The following CDH13 variants were observed in gnomAD, a reference collection of about 807,000 sequenced individuals.
CDH13 encodes the protein cadherin-13.
CDH13 carries 24 observed loss-of-function variants against 63.8 expected under a neutral mutation model. That is an observed-to-expected ratio of 0.38 (90% CI 0.27 to 0.53). The LOEUF is 0.53. Ranked by LOEUF, CDH13 falls within the 20% of genes least tolerant of loss-of-function variation. The pLI, the probability that CDH13 is intolerant of heterozygous loss-of-function variation, is 0.85. For missense variants in CDH13, 1,049 were observed against 903.1 expected (o/e 1.16, Z -2.07); for synonymous variants, 503 against 355.3 (o/e 1.42, Z -4.67).
chr16:82,890,299 T>C (rs1001370209), intron 2 of CDH13, among the ~76,000 whole-genome samples: 5 of 152,306 alleles, frequency 3.3e-5, no homozygotes, highest in South Asian at 2.1e-4. Context: ...TTATCTAGGA[T>C]AGAACAGTGT....
chr16:83,512,763 C>A lies in CDH13; in HGVS notation c.960+26108C>A, dbSNP rs190882760. ...CATGAGCTTTCACAGGGGCACCGAT[C>A]TAGACCAGTGTGGACTAGAAGTAGC... On this transcript the variant is annotated intron_variant, in intron 7 of 13. Transcript: ENST00000567109. Among the ~76,000 whole-genome samples the A allele has an allele frequency of 5.7e-3, 860 of 152,174 alleles. 13 individuals carry two copies. The highest frequency in any genetic ancestry group is 0.028 in the Admixed American group (422 of 15,284).
intron 2 of CDH13, among the ~76,000 whole-genome samples, chr16:82,965,720 T>C (rs986110563): frequency 1.3e-5 from 2 of 152,298 alleles, no homozygotes; most frequent in Non-Finnish European, 2.9e-5. Flanking sequence ...CTCAAACTAC[T>C]GACCTCAAGT....
At chr16:82,982,858 C>T (rs772249313) in intron 2 of CDH13, among the ~76,000 whole-genome samples, 5 of 152,190 alleles carry the variant, frequency 3.3e-5, no homozygotes, top group Non-Finnish European at 7.3e-5. Flanking sequence ...TTTCTGTCAA[C>T]TTTCAGTGAG....
chr16:83,121,962 TCACACACACACACA>T (rs10665608), intron 3 of CDH13, among the ~76,000 whole-genome samples: 2 of 147,518 alleles, frequency 1.4e-5, no homozygotes, highest in East Asian at 2.0e-4. Flanking sequence ...TTTAAAACTG[TCACACACACACACA>T]CACACACACA....
intron 7 of CDH13, among the ~76,000 whole-genome samples, chr16:83,489,575 C>T (rs2073963563): frequency 6.6e-6 from 1 of 152,176 alleles, no homozygotes; most frequent in Admixed American, 6.5e-5. Flanking sequence ...AAGTTCTTGT[C>T]TTTGAGGGTA....
intron 5 of CDH13, among the ~76,000 whole-genome samples, chr16:83,285,904 A>T (rs139966992): frequency 1.1e-3 from 165 of 152,334 alleles, no homozygotes; most frequent in Non-Finnish European, 1.8e-3. Context: ...GAGAAGTGGG[A>T]CAAGGGTGTG....
At chr16:83,398,576 G>A (rs1419413191) in intron 6 of CDH13, among the ~76,000 whole-genome samples, 2 of 152,116 alleles carry the variant, frequency 1.3e-5, no homozygotes, top group South Asian at 4.2e-4. Context: ...CAGGTTCCAG[G>A]GATAAGGACA....
intron 1 of CDH13, among the ~76,000 whole-genome samples, chr16:82,712,551 C>T (rs950567739): frequency 6.6e-6 from 1 of 152,194 alleles, no homozygotes; most frequent in African/African-American, 2.4e-5. Context: ...CTACCCTGTG[C>T]CCCACCTATC....
At chr16:83,188,586 TG>T (rs1324488624) in intron 4 of CDH13, among the ~76,000 whole-genome samples, 6 of 152,204 alleles carry the variant, frequency 3.9e-5, no homozygotes, top group Non-Finnish European at 8.8e-5. Context: ...GCCATGGTCC[TG>T]GCTCCCAAAC....
At chr16:83,216,448 A>AC (rs2039532378) in intron 4 of CDH13, among the ~76,000 whole-genome samples, 9 of 115,672 alleles carry the variant, frequency 7.8e-5, no homozygotes, top group South Asian at 2.8e-4. Context: ...ATATATACAC[A>AC]ACCCTAATTT....
intron 2 of CDH13, among the ~76,000 whole-genome samples, chr16:82,994,189 C>T (rs1343926510): frequency 6.6e-6 from 1 of 152,174 alleles, no homozygotes; most frequent in Non-Finnish European, 1.5e-5. Flanking sequence ...ACAGCAGCTG[C>T]ACCTCAGAAC....
intron 4 of CDH13, among the ~76,000 whole-genome samples, chr16:83,145,145 A>G (rs955818256): frequency 6.6e-6 from 1 of 152,200 alleles, no homozygotes; most frequent in Non-Finnish European, 1.5e-5. Flanking sequence ...TGAAGCCCAA[A>G]GCCAGAGGAC....
intron 5 of CDH13, among the ~76,000 whole-genome samples, chr16:83,305,504 T>C (rs1162189347): frequency 6.6e-6 from 1 of 152,144 alleles, no homozygotes; most frequent in Non-Finnish European, 1.5e-5. Flanking sequence ...TTTTGGAGGG[T>C]TTTGTCTTTC....
intron 2 of CDH13, among the ~76,000 whole-genome samples, chr16:82,948,654 G>A (rs1699137876): frequency 6.6e-6 from 1 of 152,136 alleles, no homozygotes; most frequent in South Asian, 2.1e-4. Context: ...ACAGCCTAAT[G>A]CAAACTCTGC....
intron 3 of CDH13, among the ~76,000 whole-genome samples, chr16:83,057,995 T>A (rs2031123232): frequency 6.6e-6 from 1 of 152,214 alleles, no homozygotes; most frequent in South Asian, 2.1e-4. Context: ...AAAACAAAGA[T>A]AATCATGTCT....
intron 8 of CDH13, among the ~76,000 whole-genome samples, chr16:83,665,323 G>A (rs1168451009): frequency 6.6e-6 from 1 of 152,142 alleles, no homozygotes; most frequent in Admixed American, 6.6e-5. Flanking sequence ...ATATGATACA[G>A]GGCAAAATCC....
At chr16:83,151,189 C>T (rs915462328) in intron 4 of CDH13, among the ~76,000 whole-genome samples, 6 of 152,136 alleles carry the variant, frequency 3.9e-5, no homozygotes, top group Non-Finnish European at 8.8e-5. Context: ...GTAGGAAACT[C>T]GAAGGCCCAT....
At chr16:82,916,961 C>A (rs117272715) in intron 2 of CDH13, among the ~76,000 whole-genome samples, 1 of 152,150 alleles carries the variant, frequency 6.6e-6, no homozygotes, top group South Asian at 2.1e-4. Flanking sequence ...AAAGCCTTAA[C>A]AGAGCTAGGA....
chr16:83,720,574 C>T (rs57398434), intron 10 of CDH13, among the ~76,000 whole-genome samples: 18,635 of 151,840 alleles, frequency 0.12, 1,398 homozygotes, highest in African/African-American at 0.21. Context: ...GAGACCCCGT[C>T]TCTGTCTTTA....
Sources: gnomAD v4.1 joint callset for allele counts (sites outside exome capture counted in the v4.1 genomes callset) on GRCh38, gnomAD v4.1.1 for gene constraint, MANE v1.5 for transcripts, NCBI Gene and HGNC (gene_info 2026-07-23, HGNC 2026-07-21) for gene names.